Variants in CCBE1 observed in about 807,000 individuals in gnomAD.
The protein encoded by CCBE1 is collagen and calcium binding EGF domains 1, also known as collagen and calcium-binding EGF domain-containing protein 1.
Under a neutral mutation model 50.0 loss-of-function variants are expected in CCBE1, and 37 were observed. That is an observed-to-expected ratio of 0.74 (90% CI 0.57 to 0.97). The LOEUF (loss-of-function observed/expected upper bound fraction) is 0.97, where lower values mean the gene tolerates loss of function less well. Ranked by LOEUF, CCBE1 falls within the 50% of genes least tolerant of loss-of-function variation. The pLI is 0.00. For missense variants in CCBE1, 538 were observed against 523.8 expected, an observed-to-expected ratio of 1.03 and a Z score of -0.26; for synonymous variants, 234 against 203.7, an observed-to-expected ratio of 1.15 and a Z score of -1.27.
At chr18:59,518,430 G>T (rs1050915261) in intron 2 of CCBE1, among the ~76,000 whole-genome samples, 1 of 152,232 alleles carries the variant, frequency 6.6e-6, no homozygotes, top group East Asian at 1.9e-4. Context: ...GGCAGAGGTT[G>T]CAGTGAGCCA....
intron 2 of CCBE1, among the ~76,000 whole-genome samples, chr18:59,658,395 AT>A (rs2054232270): frequency 1.9e-5 from 1 of 51,326 alleles, no homozygotes; most frequent in African/African-American, 7.2e-5. Flanking sequence ...ATATATATAT[AT>A]ATATATATAT....
At chr18:59,611,107 G>T (rs1454999333) in intron 2 of CCBE1, among the ~76,000 whole-genome samples, 1 of 152,218 alleles carries the variant, frequency 6.6e-6, no homozygotes, top group Admixed American at 6.5e-5. Flanking sequence ...CTCCACACCT[G>T]CATGGTTCTG....
intron 2 of CCBE1, among the ~76,000 whole-genome samples, chr18:59,658,321 TAAA>T (rs1157998930): frequency 0.026 from 164 of 6,420 alleles, 38 homozygotes; most frequent in South Asian, 0.039. Context: ...ACCCTGTCTC[TAAA>T]AAAAAAAAAA....
chr18:59,659,609 G>GA (rs1345915296), intron 2 of CCBE1, among the ~76,000 whole-genome samples: 1 of 152,196 alleles, frequency 6.6e-6, no homozygotes, highest in African/African-American at 2.4e-5. Flanking sequence ...TGCACAGCCA[G>GA]AAAAGAGTCA....
At position 59,461,384 on chromosome 18, in the gene CCBE1, G is replaced by A. The variant is rs547307007; in HGVS notation, c.553+5355C>T. On this transcript the variant is annotated intron_variant, in intron 5 of 10. Coordinates refer to ENST00000439986, the MANE Select transcript of CCBE1 (RefSeq NM_133459.4). Reference sequence around the variant, plus strand: ...CAATCTCTTGAATCATGACTTTAATGTTCAGGGCATGCAACGGCCTGTCCT... The same window carrying A: ...CAATCTCTTGAATCATGACTTTAATATTCAGGGCATGCAACGGCCTGTCCT... Among the ~76,000 whole-genome samples, 5 of 148,192 alleles carry A rather than the reference G, an allele frequency of 3.4e-5. No individual in the cohort carries two copies. The South Asian group carries it at 1.1e-3, about 32-fold the overall frequency.
At chr18:59,559,350 T>C (rs2052700353) in intron 2 of CCBE1, among the ~76,000 whole-genome samples, 1 of 152,102 alleles carries the variant, frequency 6.6e-6, no homozygotes, top group East Asian at 1.9e-4. Flanking sequence ...CAGTGATCTG[T>C]CAGAAAATAG....
Position 59,573,284 on chromosome 18 carries a change from A to AATATATATATATATATATATATATATAT in CCBE1, c.213-93047_213-93046insATATATATATATATATATATATATATAT, listed in dbSNP as rs71336346. On this transcript the variant is annotated intron_variant, in intron 2 of 10. Coordinates refer to ENST00000439986, the MANE Select transcript of CCBE1 (RefSeq NM_133459.4). ...TGGGCAATATAGTGAGACTCCGTCT[A>AATATATATATATATATATATATATATAT]ATATATATATATATATATGTATGTA... Among the ~76,000 whole-genome samples the AATATATATATATATATATATATATATAT allele has an allele frequency of 2.5e-3, 233 of 93,384 alleles. 8 individuals carry two copies. The highest frequency in any genetic ancestry group is 3.1e-3 in the African/African-American group (70 of 22,708). The allele number at this position is 93,384 out of a possible 152,430, so 61.3% of individuals were successfully genotyped here. A position where few individuals can be genotyped will look rare whatever the true frequency, so the allele number is the denominator to read the frequency against.
intron 2 of CCBE1, among the ~76,000 whole-genome samples, chr18:59,635,642 ACATGAAGGTGATTGTT>A (rs970084265): frequency 1.7e-4 from 26 of 152,196 alleles, no homozygotes; most frequent in African/African-American, 6.3e-4. Flanking sequence ...TGAACAATAG[ACATGAAGGTGATTGTT>A]CACCTAAGAG....
At chr18:59,578,052 A>AATCT (rs574188920) in intron 2 of CCBE1, among the ~76,000 whole-genome samples, 1 of 152,222 alleles carries the variant, frequency 6.6e-6, no homozygotes, top group African/African-American at 2.4e-5. Context: ...AAAGTTTTAC[A>AATCT]ATCTATCTAT....
intron 2 of CCBE1, among the ~76,000 whole-genome samples, chr18:59,593,961 T>G (rs998355835): frequency 6.6e-5 from 10 of 152,188 alleles, no homozygotes; most frequent in Non-Finnish European, 1.5e-4. Flanking sequence ...CTTTCTTACC[T>G]TGTGCATTCA....
At chr18:59,523,933 C>T (rs1031556960) in intron 2 of CCBE1, among the ~76,000 whole-genome samples, 1 of 152,222 alleles carries the variant, frequency 6.6e-6, no homozygotes, top group African/African-American at 2.4e-5. Flanking sequence ...TTAAAGAAAT[C>T]TTTCTGTGAC....
rs369009989 is a variant in CCBE1 at position 59,444,134 on chromosome 18, T to TTATCCATTGATGGACACCTGGTTTA, written c.775+3848_775+3849insTAAACCAGGTGTCCATCAATGGATA. Among the ~76,000 whole-genome samples the TTATCCATTGATGGACACCTGGTTTA allele has an allele frequency of 4.7e-3, 710 of 151,504 alleles. 6 individuals carry two copies. Among genetic ancestry groups the TTATCCATTGATGGACACCTGGTTTA allele is most frequent in the African/African-American group, 0.016 (672 of 41,006 alleles). On this transcript the variant is annotated intron_variant, in intron 7 of 10. Coordinates refer to ENST00000439986, the MANE Select transcript of CCBE1 (RefSeq NM_133459.4). The stretch of plus-strand genomic sequence containing the variant: ...TATGTCACATTTTGTTTTTCCATTC[T>TTATCCATTGATGGACACCTGGTTTA]TATCCATTGATGGACACCTGGGTTA...
chr18:59,485,280 C>T (rs1051363152), intron 2 of CCBE1, among the ~76,000 whole-genome samples: 15 of 152,210 alleles, frequency 9.9e-5, no homozygotes, highest in South Asian at 2.1e-4. Flanking sequence ...AAATAAAAGT[C>T]GTGCAGGCAG....
At position 59,675,005 on chromosome 18, in the gene CCBE1, T is replaced by C. The variant is rs538930651; in HGVS notation, c.212+21624A>G. Among the ~76,000 whole-genome samples the C allele has an allele frequency of 4.5e-4, 69 of 152,298 alleles. 2 individuals carry two copies. In the South Asian group the frequency reaches 0.014, roughly 31 times the overall value. ...CTTCTGTTTCCACCAAGACTATCAC[T>C]GGCACTCTCCTGTAAACATCCTTAT... On this transcript the variant is annotated intron_variant, in intron 2 of 10. Coordinates refer to ENST00000439986, the MANE Select transcript of CCBE1 (RefSeq NM_133459.4).
chr18:59,490,251 C>G (rs974735355), intron 2 of CCBE1, among the ~76,000 whole-genome samples: 3 of 152,210 alleles, frequency 2.0e-5, no homozygotes, highest in Admixed American at 6.5e-5. Context: ...TCCCAAAGTG[C>G]TGGGATTACA....
chr18:59,484,675 C>T (rs528029094), intron 2 of CCBE1, among the ~76,000 whole-genome samples: 1 of 152,206 alleles, frequency 6.6e-6, no homozygotes, highest in African/African-American at 2.4e-5. Flanking sequence ...CATTTACATA[C>T]CTGCTTAGCT....
At chr18:59,612,010 C>A (rs1180360906) in intron 2 of CCBE1, among the ~76,000 whole-genome samples, 1 of 152,072 alleles carries the variant, frequency 6.6e-6, no homozygotes, top group Non-Finnish European at 1.5e-5. Flanking sequence ...CATGACTATA[C>A]CCCTAAGCCA....
Position 59,680,525 on chromosome 18 carries a change from T to C in CCBE1, c.212+16104A>G, listed in dbSNP as rs545019498. On this transcript the variant is annotated intron_variant, in intron 2 of 10. Coordinates refer to ENST00000439986, the MANE Select transcript of CCBE1 (RefSeq NM_133459.4). ...CATGCTGGCTAACATGGTGAAACCCTGTCTCTACTAAAAACACAAAAAATT... is the reference window on the plus strand; with the variant it reads ...CATGCTGGCTAACATGGTGAAACCCCGTCTCTACTAAAAACACAAAAAATT... Among the ~76,000 whole-genome samples the C allele has an allele frequency of 2.4e-4, 37 of 151,658 alleles. No individual in the cohort carries two copies. The East Asian group carries it at 7.3e-3, about 30-fold the overall frequency.
intron 6 of CCBE1, among the ~76,000 whole-genome samples, chr18:59,452,210 C>T (rs530356618): frequency 1.9e-4 from 29 of 152,310 alleles, no homozygotes; most frequent in Non-Finnish European, 3.8e-4. Flanking sequence ...GGACTGCTAG[C>T]ATCTCCTTCT....
Sources: gnomAD v4.1 joint callset for allele counts (sites outside exome capture counted in the v4.1 genomes callset) on GRCh38, gnomAD v4.1.1 for gene constraint, MANE v1.5 for transcripts, NCBI Gene and HGNC (gene_info 2026-07-23, HGNC 2026-07-21) for gene names.